The following ARMC1 variants were observed in gnomAD, a reference collection of about 807,000 sequenced individuals.
The protein encoded by ARMC1 is armadillo repeat-containing protein 1.
ARMC1 carries 16 observed loss-of-function variants against 31.4 expected under a neutral mutation model. The ratio of observed to expected loss-of-function variants is 0.51; its 90% CI spans 0.34 to 0.77. ARMC1 has a LOEUF of 0.77. Ranked by LOEUF, ARMC1 falls within the 30% of genes least tolerant of loss-of-function variation. The probability of loss-of-function intolerance (pLI) is 0.01; values close to 1 mark genes in which losing one functional copy is unlikely to be tolerated. For missense variants in ARMC1, 259 were observed against 347.5 expected (o/e 0.75, Z 2.02); for synonymous variants, 114 against 118.9 (o/e 0.96, Z 0.27).
chr8:65,607,112 C>T (rs1808021032), intron 4 of ARMC1, among the ~76,000 whole-genome samples: 1 of 152,248 alleles, frequency 6.6e-6, no homozygotes, highest in East Asian at 1.9e-4. Flanking sequence ...CATTGCTCAT[C>T]TCCCTACTTC....
chr8:65,622,231 T>C (rs368810365), intron 3 of ARMC1, 32 bp downstream of exon 3: 11 of 1,525,210 alleles, frequency 7.2e-6, no homozygotes, highest in Non-Finnish European at 1.0e-5. Context: ...AGTAAGTATA[T>C]AAATAAATGA....
chr8:65,626,602 TA>T (rs1808516393), intron 2 of ARMC1, among the ~76,000 whole-genome samples: 1 of 152,080 alleles, frequency 6.6e-6, no homozygotes, highest in Non-Finnish European at 1.5e-5. Context: ...TGTTATAAAA[TA>T]AAAACAAAAT....
chr8:65,631,334 A>G lies in ARMC1; in HGVS notation c.-36+2664T>C, dbSNP rs143168122. On this transcript the variant is annotated intron_variant, in intron 1 of 6. Coordinates refer to ENST00000276569, the MANE Select transcript of ARMC1 (RefSeq NM_018120.6). ...ATCACAACCTCTGCCTCTCAGGTTCAAGCAATTCTCCTGCCTCAACCTCCC... is the reference window on the plus strand; with the variant it reads ...ATCACAACCTCTGCCTCTCAGGTTCGAGCAATTCTCCTGCCTCAACCTCCC... 5.0e-3 allele frequency among the ~76,000 whole-genome samples: 758 copies of G among 152,278 alleles called. 6 individuals carry two copies. The highest frequency in any genetic ancestry group is 0.017 in the African/African-American group (720 of 41,540).
At chr8:65,624,266 A>AG (rs1554541898) in intron 2 of ARMC1, among the ~76,000 whole-genome samples, 4 of 151,588 alleles carry the variant, frequency 2.6e-5, no homozygotes, top group South Asian at 2.1e-4. Context: ...TGGGAAGCTG[A>AG]GGGGGGCAGA....
At position 65,627,292 on chromosome 8, in the gene ARMC1, T is replaced by C. The variant is rs779019291; in HGVS notation, c.107A>G (p.Gln36Arg). Residue 36 changes from glutamine (Q) to arginine (R), a missense_variant, in exon 2 of 7, where the codon CAG becomes CGG. Coordinates refer to ENST00000276569, the MANE Select transcript of ARMC1 (RefSeq NM_018120.6). ...ADPLNRRAIV[Q>R]DQGCLPGLIL... ...AAGGCCAGGCAGACATCCCTGATCC[T>C]GGACGATGGCTCTTCTGTTTAACGG... 8.1e-6 allele frequency: 13 copies of C among 1,613,526 alleles called. No homozygotes were observed. In the South Asian group the frequency reaches 1.2e-4, roughly 15 times the overall value.
rs563957149 is a variant in ARMC1 at position 65,604,468 on chromosome 8, C to T, written c.775G>A (p.Gly259Ser). 1.4e-5 allele frequency: 23 copies of T among 1,614,116 alleles called. No homozygotes were observed. The highest frequency in any genetic ancestry group is 4.5e-5 in the East Asian group (2 of 44,888). The change falls in exon 7 of 7, where the codon GGC becomes AGC. Residue 259 changes from glycine to serine, a missense_variant. By Grantham distance (56) the Gly-to-Ser change is moderately conservative. Around this residue, in one of 3 missense-constraint regions of ARMC1, gnomAD observed 73 missense variants for 100.0 expected, o/e 0.73. Coordinates refer to ENST00000276569, the MANE Select transcript of ARMC1 (RefSeq NM_018120.6). The part of the protein sequence containing the change: ...KEQDKAVSRV[G>S]SHPEGGASWL... ...CTAGCTCCACCTTCTGGGTGTGAGC[C>T]GACCCGGGACACCGCTTTGTCCTGT... is the stretch of plus-strand genomic sequence containing the variant.
At position 65,605,354 on chromosome 8, in the gene ARMC1, A is replaced by G. The variant is rs1179083564; in HGVS notation, c.583-17T>C. 1.2e-6 allele frequency: 2 copies of G among 1,613,610 alleles called. No homozygotes were observed. The highest frequency in any genetic ancestry group is 3.3e-5 in the Admixed American group (2 of 59,894). ...TGCCAAAGCCTAAGCCAAGATAAAA[A>G]GGAACAATTTTGAAATTGATTTGTT... On this transcript the variant is annotated splice_polypyrimidine_tract_variant and intron_variant, in intron 5 of 6. Coordinates refer to ENST00000276569, the MANE Select transcript of ARMC1 (RefSeq NM_018120.6).
At chr8:65,624,763 T>G (rs1050782192) in intron 2 of ARMC1, among the ~76,000 whole-genome samples, 3 of 115,380 alleles carry the variant, frequency 2.6e-5, no homozygotes, top group Non-Finnish European at 5.1e-5. Flanking sequence ...CTAAATAAAT[T>G]AAAATAAAAA....
intron 4 of ARMC1, among the ~76,000 whole-genome samples, chr8:65,609,931 T>G (rs1349460900): frequency 1.3e-5 from 2 of 151,554 alleles, no homozygotes; most frequent in African/African-American, 4.9e-5. Flanking sequence ...CTGGCATTGC[T>G]AAAGAGGTAA....
At chr8:65,629,102 C>A (rs1238097099) in intron 1 of ARMC1, among the ~76,000 whole-genome samples, 1 of 151,224 alleles carries the variant, frequency 6.6e-6, no homozygotes, top group Admixed American at 6.6e-5. Flanking sequence ...TTGCAGTGAG[C>A]CGAGATTGCG....
intron 1 of ARMC1, among the ~76,000 whole-genome samples, chr8:65,629,229 A>T (rs1467596599): frequency 1.3e-5 from 2 of 152,194 alleles, no homozygotes; most frequent in African/African-American, 4.8e-5. Context: ...ATTCACCCTT[A>T]AAAAAGAAGG....
At chr8:65,627,126 T>C in intron 2 of ARMC1, 90 bp downstream of exon 2, 1 of 1,280,016 alleles carries the variant, frequency 7.8e-7, no homozygotes, top group Non-Finnish European at 1.1e-6. Context: ...TCTCTTTCCG[T>C]TTTTTTACCT....
chr8:65,605,268 C>T lies in ARMC1; in HGVS notation c.652G>A (p.Glu218Lys). The T allele has an allele frequency of 6.2e-7, 1 of 1,612,060 alleles. No homozygotes were observed. The highest frequency in any genetic ancestry group is 8.5e-7 in the Non-Finnish European group (1 of 1,179,498). ...AQQVVKSESG[E>K]EMLVPFQDTP... ...AAATTAAACACAACTTTTACCTCTT[C>T]TCCACTTTCACTTTTCACAACTTGC... The change falls in exon 6 of 7, where the codon GAA becomes AAA. Residue 218 changes from glutamate to lysine, a missense_variant. Physicochemically the swap from Glu to Lys is moderately conservative, Grantham distance 56 (BLOSUM62 1). Coordinates refer to ENST00000276569, the MANE Select transcript of ARMC1 (RefSeq NM_018120.6).
chr8:65,613,407 A>T lies in ARMC1; in HGVS notation c.302T>A (p.Leu101His). ...AATGTCATAGATTTCAGAGGCCAGA[A>T]GTTTTGTTTCTCCTGGAGTTGTAGT... ...QKTTTPGETK[L>H]LASEIYDILQ... The change falls in exon 4 of 7, where the codon CTT becomes CAT. Residue 101 changes from leucine to histidine, a missense_variant. This residue lies in a region of ARMC1 where 163 missense variants were observed against 186.7 expected (regional missense o/e 0.87). Transcript: ENST00000276569. 1 of 1,599,102 alleles carries T rather than the reference A, an allele frequency of 6.3e-7. No homozygotes were observed. Among genetic ancestry groups the T allele is most frequent in the Non-Finnish European group, 8.5e-7 (1 of 1,174,322 alleles).
At chr8:65,624,131 AC>A (rs1029893743) in intron 2 of ARMC1, among the ~76,000 whole-genome samples, 2 of 151,936 alleles carry the variant, frequency 1.3e-5, no homozygotes, top group Non-Finnish European at 2.9e-5. Flanking sequence ...CGAAAACAAA[AC>A]CCAAAAAAAC....
intron 3 of ARMC1, among the ~76,000 whole-genome samples, chr8:65,616,745 G>A (rs1392650726): frequency 3.1e-4 from 40 of 128,644 alleles, no homozygotes; most frequent in African/African-American, 1.3e-3. Flanking sequence ...CTGCCCCGCC[G>A]CCCCGTCTGG....
At chr8:65,623,791 T>TC (rs1490675324) in intron 2 of ARMC1, among the ~76,000 whole-genome samples, 1 of 118,816 alleles carries the variant, frequency 8.4e-6, no homozygotes, top group Non-Finnish European at 1.7e-5. Context: ...AAAATCTTTT[T>TC]TTTTTTTTTT....
intron 4 of ARMC1, among the ~76,000 whole-genome samples, chr8:65,612,043 T>G (rs1430406297): frequency 6.6e-6 from 1 of 152,214 alleles, no homozygotes; most frequent in Middle Eastern, 3.2e-3. Context: ...GTGCTGGGAT[T>G]ACAGGTGTGA....
intron 4 of ARMC1, among the ~76,000 whole-genome samples, chr8:65,608,454 A>T (rs1370483180): frequency 6.6e-6 from 1 of 151,202 alleles, no homozygotes; most frequent in African/African-American, 2.4e-5. Context: ...ACTTGAACCC[A>T]GGGGGTGGAG....
Sources: gnomAD v4.1 joint callset for allele counts (sites outside exome capture counted in the v4.1 genomes callset) on GRCh38, gnomAD v4.1.1 for gene constraint, gnomAD v4.1.1 regional missense constraint, MANE v1.5 for transcripts, NCBI Gene and HGNC (gene_info 2026-07-23, HGNC 2026-07-21) for gene names.